Variants in ARHGAP23 observed in about 807,000 individuals in gnomAD.
ARHGAP23 encodes the protein rho GTPase-activating protein 23.
ARHGAP23 carries 34 observed loss-of-function variants against 136.3 expected under a neutral mutation model. That is an observed-to-expected ratio of 0.25 (90% CI 0.19 to 0.33). The LOEUF (loss-of-function observed/expected upper bound fraction) is 0.33. ARHGAP23 is among the 10% of genes least tolerant of loss of function. The pLI, the probability that ARHGAP23 is intolerant of heterozygous loss-of-function variation, is 1.00. For synonymous variants in ARHGAP23, 832 were observed against 920.5 expected, an observed-to-expected ratio of 0.90 and a Z score of 1.74; for missense variants, 1,808 against 2,139.0, an observed-to-expected ratio of 0.85 and a Z score of 3.05.
intron 14 of ARHGAP23, 21 bp from the exon 15 acceptor site, chr17:38,482,001 G>T: frequency 6.6e-7 from 1 of 1,508,994 alleles, no homozygotes. Flanking sequence ...GCTCACTCTG[G>T]CTCTGTCTCC....
At chr17:38,437,369 TC>T (rs1289730090) in intron 1 of ARHGAP23, among the ~76,000 whole-genome samples, 58 of 152,232 alleles carry the variant, frequency 3.8e-4, no homozygotes, top group African/African-American at 1.3e-3. Flanking sequence ...CAAGTGATCC[TC>T]CTGCCTTGGT....
At chr17:38,473,888 A>G (rs2039825653) in intron 11 of ARHGAP23, among the ~76,000 whole-genome samples, 1 of 152,160 alleles carries the variant, frequency 6.6e-6, no homozygotes, top group Admixed American at 6.5e-5. Flanking sequence ...CTTGATACCC[A>G]GGAAGAGCCT....
intron 20 of ARHGAP23, among the ~76,000 whole-genome samples, chr17:38,494,971 C>T (rs996576648): frequency 2.5e-4 from 38 of 152,242 alleles, no homozygotes; most frequent in Non-Finnish European, 1.6e-4. Context: ...GGCCGATCCT[C>T]AGGCTTCCCC....
At position 38,510,741 on chromosome 17, in the gene ARHGAP23, T is replaced by A; in HGVS notation, c.4245T>A (p.Thr1415=). Residue 1415 remains threonine (T), a synonymous_variant, in exon 24 of 24, where the codon ACT becomes ACA. Transcript: ENST00000622683. The surrounding 1 kb of genome is among the most constrained non-coding windows in gnomAD (Gnocchi z 4.6). ...RHTVVVQSPL[T]DLNFNEWKEL... ...CCGTGGTGGTGCAGAGCCCGCTGAC[T>A]GACCTCAACTTCAACGAGTGGAAGG... is the stretch of plus-strand genomic sequence containing the variant. 1 of 1,479,964 alleles carries A rather than the reference T, an allele frequency of 6.8e-7. No homozygotes were observed. Among genetic ancestry groups the A allele is most frequent in the Non-Finnish European group, 8.9e-7 (1 of 1,118,088 alleles). The allele number at this position is 1,479,964 out of a possible 1,614,324, so 91.7% of individuals were successfully genotyped here.
intron 23 of ARHGAP23, among the ~76,000 whole-genome samples, chr17:38,507,276 A>AAATAATAATTAATAAT (rs1555599759): frequency 7.3e-6 from 1 of 136,670 alleles, no homozygotes; most frequent in Non-Finnish European, 1.6e-5. Context: ...CTCCGTCTCA[A>AAATAATAATTAATAAT]AATAATAATA....
In ARHGAP23 at chr17:38,423,215, C is replaced by T. The variant is rs150436245; in HGVS notation, n.120+3816C>T. Among the ~76,000 whole-genome samples, 765 of 150,370 alleles carry T rather than the reference C, an allele frequency of 5.1e-3. 1 individual carries two copies. Among genetic ancestry groups the T allele is most frequent in the Middle Eastern group, 0.014 (4 of 292 alleles). On this transcript the variant is annotated intron_variant and non_coding_transcript_variant, in intron 1 of 4. Transcript: ENST00000633445. ...CAATAATTTTTTTTTTTTTTTGAGA[C>T]GATGTTCTGCTCTGTCACCCAGGCT...
At chr17:38,441,961 C>G (rs982428017) in intron 1 of ARHGAP23, among the ~76,000 whole-genome samples, 15 of 151,672 alleles carry the variant, frequency 9.9e-5, no homozygotes, top group Non-Finnish European at 1.8e-4. Flanking sequence ...CTTTCTCCCC[C>G]ACTCCTTTTT....
intron 17 of ARHGAP23, among the ~76,000 whole-genome samples, chr17:38,488,258 A>G (rs1270129583): frequency 6.6e-6 from 1 of 152,196 alleles, no homozygotes. Flanking sequence ...GATAAGGGAA[A>G]TGGTATCTCA....
At position 38,510,092 on chromosome 17, in the gene ARHGAP23, A is replaced by G; in HGVS notation, c.3596A>G (p.Lys1199Arg). 3 of 1,242,876 alleles carry G rather than the reference A, an allele frequency of 2.4e-6. No homozygotes were observed. Among genetic ancestry groups the G allele is most frequent in the Non-Finnish European group, 3.0e-6 (3 of 996,788 alleles). 77.0% of individuals were successfully genotyped at this position (1,242,876 alleles called of 1,614,324 possible). The change falls in exon 24 of 24, where the codon AAG becomes AGG. Residue 1199 changes from lysine (K) to arginine (R), a missense_variant. This residue lies in a region of ARHGAP23 where 506 missense variants were observed against 455.8 expected (regional missense o/e 1.11). Coordinates refer to ENST00000622683, the MANE Select transcript of ARHGAP23 (RefSeq NM_001199417.2). The surrounding 1 kb of genome is among the most constrained non-coding windows in gnomAD (Gnocchi z 4.6). ...GACGACTCGGAGCAGGAGGCGCACA[A>G]GCCTGGGGCGGGGGCCACAGCGCCG... The part of the protein sequence containing the change: ...TDDDSEQEAH[K>R]PGAGATAPGT...
chr17:38,447,716 C>T (rs1281223054), intron 1 of ARHGAP23, among the ~76,000 whole-genome samples: 1 of 152,130 alleles, frequency 6.6e-6, no homozygotes, highest in African/African-American at 2.4e-5. Flanking sequence ...AGCTTCTTCC[C>T]TTTGAGGAGT....
chr17:38,498,047 G>A (rs1338048744), intron 21 of ARHGAP23, among the ~76,000 whole-genome samples: 3 of 151,090 alleles, frequency 2.0e-5, no homozygotes, highest in African/African-American at 7.3e-5. Flanking sequence ...AAATGGGGGA[G>A]ATATAGGCCT....
chr17:38,444,273 G>A (rs1356106632), intron 1 of ARHGAP23, among the ~76,000 whole-genome samples: 1 of 152,062 alleles, frequency 6.6e-6, no homozygotes, highest in African/African-American at 2.4e-5. Flanking sequence ...TGCCAGCGCT[G>A]GGCCAGCAGG....
At chr17:38,455,879 T>A (rs2039312605) in intron 1 of ARHGAP23, among the ~76,000 whole-genome samples, 1 of 152,122 alleles carries the variant, frequency 6.6e-6, no homozygotes, top group Non-Finnish European at 1.5e-5. Flanking sequence ...CAGGCCCCCA[T>A]GGGGGTGCAG....
chr17:38,422,213 T>C (rs2038526792), intron 1 of ARHGAP23, among the ~76,000 whole-genome samples: 1 of 152,238 alleles, frequency 6.6e-6, no homozygotes, highest in South Asian at 2.1e-4. Context: ...TCTCTGTGTC[T>C]GTTTCCTCAT....
intron 17 of ARHGAP23, 92 bp downstream of exon 17, chr17:38,486,232 CTT>C (rs71138626): frequency 0.15 from 109,747 of 736,138 alleles, 2 homozygotes; most frequent in South Asian, 0.19. Context: ...TGGTTTTACT[CTT>C]TTTTTTTTTT....
At chr17:38,422,144 T>A (rs2038526053) in intron 1 of ARHGAP23, among the ~76,000 whole-genome samples, 1 of 152,168 alleles carries the variant, frequency 6.6e-6, no homozygotes, top group African/African-American at 2.4e-5. Flanking sequence ...AAGAGCAACA[T>A]CAGACTTCGG....
intron 23 of ARHGAP23, among the ~76,000 whole-genome samples, chr17:38,509,715 C>T (rs1472167106): frequency 6.6e-6 from 1 of 152,200 alleles, no homozygotes; most frequent in African/African-American, 2.4e-5. Context: ...GACCAGCCCA[C>T]CTCACAAGAA....
At chr17:38,491,618 G>A (rs1466877128) in intron 20 of ARHGAP23, 86 bp downstream of exon 20, 28 of 1,524,852 alleles carry the variant, frequency 1.8e-5, no homozygotes, top group African/African-American at 1.7e-4. Context: ...TCCGCCTGGC[G>A]GAGTGTGCCC....
intron 23 of ARHGAP23, among the ~76,000 whole-genome samples, chr17:38,501,975 T>G (rs942055985): frequency 2.0e-5 from 3 of 152,034 alleles, no homozygotes; most frequent in Non-Finnish European, 2.9e-5. Context: ...AAATAGTTAT[T>G]TAAGAAATAA....
Sources: gnomAD v4.1 joint callset for allele counts (sites outside exome capture counted in the v4.1 genomes callset) on GRCh38, gnomAD v4.1.1 for gene constraint, gnomAD v4.1.1 regional missense constraint, Gnocchi (gnomAD v3.1) non-coding constraint, MANE v1.5 for transcripts, NCBI Gene and HGNC (gene_info 2026-07-23, HGNC 2026-07-21) for gene names.